Variants in P2RX6 observed in about 807,000 individuals in gnomAD.
P2RX6 encodes P2X purinoceptor 6.
In P2RX6, 62 loss-of-function variants were observed where a neutral mutation model predicts 54.2. The ratio of observed to expected loss-of-function variants is 1.14; its 90% confidence interval spans 0.93 to 1.41. P2RX6 has a LOEUF of 1.41. P2RX6 is among the 40% of genes most tolerant of loss of function. The pLI, the probability that P2RX6 is intolerant of heterozygous loss-of-function variation, is 0.00. For missense variants in P2RX6, 541 were observed against 566.3 expected (o/e 0.96, Z 0.45); for synonymous variants, 211 against 231.9 (o/e 0.91, Z 0.82).
At position 21,023,298 on chromosome 22, in the gene P2RX6, A is replaced by G. The variant is rs1601771130; in HGVS notation, c.662A>G (p.Asp221Gly). The G allele has an allele frequency of 1.2e-6, 2 of 1,613,592 alleles. No individual in the cohort carries two copies. The highest frequency in any genetic ancestry group is 2.2e-5 in the East Asian group (1 of 44,842). ...FSKSNALETW[D>G]PTYFKHCRYE... ...AGGTCCAATGCCTTGGAGACCTGGG[A>G]CCCCACCTATTTTAAGCACTGCCGC... The change falls in exon 7 of 12, where the codon GAC becomes GGC. Residue 221 changes from aspartate to glycine, a missense_variant. Physicochemically the swap from Asp to Gly is moderately conservative, Grantham distance 94 (BLOSUM62 -1). This residue lies in a region of P2RX6 where 526 missense variants were observed against 531.5 expected (regional missense o/e 0.99). Coordinates refer to ENST00000413302, the MANE Select transcript of P2RX6 (RefSeq NM_005446.5).
rs181177972 is a variant in P2RX6 at position 21,025,668 on chromosome 22, T to C, written c.891-137T>C. The C allele has an allele frequency of 3.1e-5, 20 of 638,490 alleles. No homozygotes were observed. The East Asian group carries it at 5.2e-4, about 17-fold the overall frequency. The allele number at this position is 638,490 out of a possible 1,614,324, so 39.6% of individuals were successfully genotyped here. On this transcript the variant is annotated intron_variant, in intron 8 of 11. Transcript: ENST00000413302. ...TTTTTCTGTTTTCTCACCAATTACA[T>C]AGGGCTGAGACCCAGGACTCAGGCT...
At chr22:21,010,206 C>T (rs1601734976), upstream of P2RX6, 2 of 152,386 alleles carry the variant, frequency 1.3e-5, 1 homozygote, top group East Asian at 3.9e-4. Context: ...CAGTCCCCAC[C>T]CACCTCCCTC....
chr22:21,017,219 TCCC>T, intron 2 of P2RX6, among the ~76,000 whole-genome samples: 1 of 151,994 alleles, frequency 6.6e-6, no homozygotes, highest in African/African-American at 2.4e-5. Flanking sequence ...CCTCAGGAAT[TCCC>T]CCAACCCTGC....
Position 21,026,792 on chromosome 22 carries a change from A to G in P2RX6, c.*175A>G. 1.5e-6 allele frequency: 2 copies of G among 1,345,442 alleles called. No individual in the cohort carries two copies. The highest frequency in any genetic ancestry group is 1.5e-5 in the South Asian group (1 of 65,030). 83.3% of individuals were successfully genotyped at this position (1,345,442 alleles called of 1,614,324 possible). On this transcript the variant is annotated 3_prime_UTR_variant, in exon 12 of 12. Coordinates refer to ENST00000413302, the MANE Select transcript of P2RX6 (RefSeq NM_005446.5). This position sits in a 1 kb window ranked among gnomAD's most constrained non-coding sequence, Gnocchi z 4.0. ...GGGTGCTGCCTCAGGGAGCCATAGA[A>G]GTCGGCTGTGTTTTGAGACGGCGAC...
Position 21,023,125 on chromosome 22 carries a change from C to T in P2RX6, c.565C>T (p.Leu189=), listed in dbSNP as rs771307683. The change falls in exon 6 of 12, where the codon CTG becomes TTG. Residue 189 remains leucine (L), a synonymous_variant. Coordinates refer to ENST00000413302, the MANE Select transcript of P2RX6 (RefSeq NM_005446.5). The stretch of plus-strand genomic sequence containing the variant: ...CCTCCCTTCCACCTGCAGGAGGCCC[C>T]TGCTGGCCCAGGCCCAGAACTTCAC... ...VESGVVPSRP[L]LAQAQNFTLF... 8.1e-6 allele frequency: 13 copies of T among 1,613,960 alleles called. No individual in the cohort carries two copies. In the East Asian group the frequency reaches 1.3e-4, roughly 17 times the overall value.
upstream of P2RX6, among the ~76,000 whole-genome samples, chr22:21,010,539 T>G (rs377332062): frequency 4.6e-5 from 7 of 152,216 alleles, no homozygotes; most frequent in Middle Eastern, 0.01. Context: ...TCCTGGGGCA[T>G]CCATTAAAAT....
chr22:21,017,523 A>C (rs183340411), intron 2 of P2RX6, among the ~76,000 whole-genome samples: 1 of 152,226 alleles, frequency 6.6e-6, no homozygotes, highest in East Asian at 1.9e-4. Flanking sequence ...TCTCCCTTGG[A>C]TCTTCAGTAC....
At chr22:21,022,095 C>T (rs572589788) in intron 3 of P2RX6, among the ~76,000 whole-genome samples, 12 of 152,260 alleles carry the variant, frequency 7.9e-5, no homozygotes, top group East Asian at 3.9e-4. Context: ...GGGCAGGGTG[C>T]GTTGTCTCAC....
In P2RX6 at chr22:21,026,870, G is replaced by A. The variant is rs866709014; in HGVS notation, c.*253G>A. 1 of 657,150 alleles carries A rather than the reference G, an allele frequency of 1.5e-6. No homozygotes were observed. 40.7% of individuals were successfully genotyped at this position (657,150 alleles called of 1,614,324 possible). On this transcript the variant is annotated 3_prime_UTR_variant, in exon 12 of 12. Coordinates refer to ENST00000413302, the MANE Select transcript of P2RX6 (RefSeq NM_005446.5). This position sits in a 1 kb window ranked among gnomAD's most constrained non-coding sequence, Gnocchi z 4.0. ...GCCCAGCAGGCACCTGTATTGCAGG[G>A]CTCCGACTGCATGTGGCAGGGGCTC...
In P2RX6 at chr22:21,017,869, G is replaced by C. The variant is rs1926681655; in HGVS notation, c.316-120G>C. On this transcript the variant is annotated intron_variant, in intron 2 of 11. Coordinates refer to ENST00000413302, the MANE Select transcript of P2RX6 (RefSeq NM_005446.5). Reference sequence around the variant, plus strand: ...TCTCTGCTTCAGTCTGCCTTACAGGGGGACAGGGTTAATGACTTGATGGGG... The same window carrying C: ...TCTCTGCTTCAGTCTGCCTTACAGGCGGACAGGGTTAATGACTTGATGGGG... 7 of 722,416 alleles carry C rather than the reference G, an allele frequency of 9.7e-6. No individual in the cohort carries two copies. The East Asian group carries it at 1.9e-4, about 20-fold the overall frequency. 44.8% of individuals were successfully genotyped at this position (722,416 alleles called of 1,614,324 possible). A position where few individuals can be genotyped will look rare whatever the true frequency, so the allele number is the denominator to read the frequency against.
rs1434734486 is a variant in P2RX6 at position 21,027,162 on chromosome 22, AG to A, written c.*547del. ...AGCTTCTCTGGTGCTGTGATGCCCCAGGAGAGTCCTAATCTAGGGAATGGGG... is the reference window on the plus strand; with the variant it reads ...AGCTTCTCTGGTGCTGTGATGCCCCAGAGAGTCCTAATCTAGGGAATGGGG... On this transcript the variant is annotated 3_prime_UTR_variant, in exon 12 of 12. Transcript: ENST00000413302. 3 of 159,472 alleles carry A rather than the reference AG, an allele frequency of 1.9e-5. No homozygotes were observed. Among genetic ancestry groups the A allele is most frequent in the African/African-American group, 7.2e-5 (3 of 41,500 alleles). 9.9% of individuals were successfully genotyped at this position (159,472 alleles called of 1,614,324 possible).
Position 21,023,594 on chromosome 22 carries a change from T to G in P2RX6, c.866T>G (p.Leu289Arg). ...TGCTGGCCTCACTACTCCTTCCAGC[T>G]GCAGGAGAAGAGCTACAACTTCAGG... ...SGCWPHYSFQ[L>R]QEKSYNFRTA... The change falls in exon 8 of 12, where the codon CTG (leucine) becomes CGG (arginine). Residue 289 changes from leucine to arginine, a missense_variant. Physicochemically the swap from Leu to Arg is moderately radical, Grantham distance 102 (BLOSUM62 -2). Coordinates refer to ENST00000413302, the MANE Select transcript of P2RX6 (RefSeq NM_005446.5). The G allele has an allele frequency of 7.4e-6, 12 of 1,611,360 alleles. No homozygotes were observed. Among genetic ancestry groups the G allele is most frequent in the African/African-American group, 1.3e-5 (1 of 75,014 alleles).
chr22:21,024,487 AG>A (rs1425511567), intron 8 of P2RX6, among the ~76,000 whole-genome samples: 7 of 152,146 alleles, frequency 4.6e-5, no homozygotes, highest in African/African-American at 1.7e-4. Flanking sequence ...CATGTTGGCC[AG>A]GATGGTCTCG....
intron 8 of P2RX6, among the ~76,000 whole-genome samples, chr22:21,024,719 C>T (rs533256864): frequency 1.3e-3 from 194 of 152,036 alleles, no homozygotes; most frequent in African/African-American, 3.8e-3. Flanking sequence ...GACAGGTGTG[C>T]ACCACCACAC....
rs1928584978 is a variant in P2RX6, at chr22:21,027,074, C to T, written c.*457C>T. The T allele has an allele frequency of 1.7e-5, 3 of 172,662 alleles. No homozygotes were observed. The highest frequency in any genetic ancestry group is 1.7e-4 in the Admixed American group (3 of 17,736). 10.7% of individuals were successfully genotyped at this position (172,662 alleles called of 1,614,324 possible). A position where few individuals can be genotyped will look rare whatever the true frequency, so the allele number is the denominator to read the frequency against. On this transcript the variant is annotated 3_prime_UTR_variant, in exon 12 of 12. Coordinates refer to ENST00000413302, the MANE Select transcript of P2RX6 (RefSeq NM_005446.5). The stretch of plus-strand genomic sequence containing the variant: ...ACCCTCCCATCGGTCCTACATGGGG[C>T]TGTGCAGCTGGAGCCAAAAAGGCAA...
In P2RX6 at chr22:21,023,275, G is replaced by A. The variant is rs775072991; in HGVS notation, c.639G>A (p.Lys213=). 3.1e-6 allele frequency: 5 copies of A among 1,613,804 alleles called. No homozygotes were observed. The highest frequency in any genetic ancestry group is 4.2e-6 in the Non-Finnish European group (5 of 1,179,874). ...TVTFSKFNFS[K]SNALETWDPT... is the part of the protein sequence containing the mutation. ...ATCTGACCTTTCCCACTCCTCCCAG[G>A]TCCAATGCCTTGGAGACCTGGGACC... Residue 213 remains lysine, a splice_region_variant and synonymous_variant, in exon 7 of 12, where the codon AAG becomes AAA. Transcript: ENST00000413302.
upstream of P2RX6, chr22:21,012,539 T>C: frequency 3.2e-6 from 2 of 615,794 alleles, no homozygotes; most frequent in Non-Finnish European, 6.1e-6. Context: ...CAGATGCTGC[T>C]GCTTTTGCTC....
Position 21,022,978 on chromosome 22 carries a change from C to T in P2RX6, c.500C>T (p.Thr167Ile). 1 of 1,613,476 alleles carries T rather than the reference C, an allele frequency of 6.2e-7. No homozygotes were observed. The highest frequency in any genetic ancestry group is 1.1e-5 in the South Asian group (1 of 91,068). Reference protein sequence around the residue: ...KTGQCVVFNGTHRTCEIWSWC... With the variant: ...KTGQCVVFNGIHRTCEIWSWC... Reference sequence around the variant, plus strand: ...GGCCAGTGTGTGGTGTTCAATGGGACCCACAGGACCTGTGAGATCTGGAGT... The same window carrying T: ...GGCCAGTGTGTGGTGTTCAATGGGATCCACAGGACCTGTGAGATCTGGAGT... The change falls in exon 5 of 12, where the codon ACC (threonine) becomes ATC (isoleucine). Residue 167 changes from threonine to isoleucine, a missense_variant. Physicochemically the swap from Thr to Ile is moderately conservative, Grantham distance 89. This residue lies in a region of P2RX6 where 526 missense variants were observed against 531.5 expected (regional missense o/e 0.99). Coordinates refer to ENST00000413302, the MANE Select transcript of P2RX6 (RefSeq NM_005446.5).
intron 2 of P2RX6, chr22:21,017,779 A>G (rs1181196808): frequency 3.1e-6 from 2 of 641,432 alleles, no homozygotes; most frequent in African/African-American, 3.6e-5. Flanking sequence ...ACTTGTCTCA[A>G]GAGATGGACA....
Sources: allele counts gnomAD v4.1 joint callset (sites outside exome capture counted in the v4.1 genomes callset), GRCh38; gene constraint gnomAD v4.1.1; regional missense constraint gnomAD v4.1.1; non-coding constraint Gnocchi (gnomAD v3.1); transcripts MANE v1.5; gene names NCBI Gene and HGNC (gene_info 2026-07-23, HGNC 2026-07-21).